Variants in OR2A14 observed in about 807,000 individuals in gnomAD.
OR2A14 encodes the protein olfactory receptor 2A14.
A neutral mutation model predicts 2.4 loss-of-function variants in OR2A14; 2 were observed. The ratio of observed to expected loss-of-function variants is 0.85; its 90% CI spans 0.35 to 2.67. The LOEUF is 2.67. Ranked by LOEUF, OR2A14 falls within the 30% of genes most tolerant of loss-of-function variation. OR2A14 has a pLI of 0.10. For synonymous variants in OR2A14, 160 were observed against 156.3 expected, an observed-to-expected ratio of 1.02 and a Z score of -0.18; for missense variants, 390 against 379.4, an observed-to-expected ratio of 1.03 and a Z score of -0.23.
rs1244022400 is a variant in OR2A14 at position 144,129,652 on chromosome 7, C to T, written c.540C>T (p.Ile180=). Residue 180 remains isoleucine (I), a synonymous_variant, in exon 2 of 2, where the codon ATC becomes ATT. Coordinates refer to ENST00000641068, the MANE Select transcript of OR2A14 (RefSeq NM_001001659.3). ...AAATCAACCACTTCTTCTGTGAAAT[C>T]CTGTCTGTCCTCAAGTTGGCCTGTG... ...PHEINHFFCE[I]LSVLKLACAD... 1.2e-6 allele frequency: 2 copies of T among 1,614,076 alleles called. No individual in the cohort carries two copies. Among genetic ancestry groups the T allele is most frequent in the East Asian group, 2.2e-5 (1 of 44,864 alleles).
At chr7:144,126,522 C>T (rs2051484050) in intron 1 of OR2A14, among the ~76,000 whole-genome samples, 1 of 152,140 alleles carries the variant, frequency 6.6e-6, no homozygotes, top group South Asian at 2.1e-4. Context: ...TTAGGTTCCA[C>T]TCACCTGTCT....
chr7:144,127,713 T>C (rs548456686), intron 1 of OR2A14, among the ~76,000 whole-genome samples: 1 of 152,338 alleles, frequency 6.6e-6, no homozygotes, highest in East Asian at 1.9e-4. Context: ...AGGATCTACG[T>C]ATTTACTAAA....
chr7:144,123,555 G>C (rs554436675), intron 1 of OR2A14, among the ~76,000 whole-genome samples: 1 of 152,256 alleles, frequency 6.6e-6, no homozygotes, highest in Admixed American at 6.5e-5. Flanking sequence ...CATAGAAGAG[G>C]ATCAGATAAC....
At chr7:144,126,699 C>A (rs190154265) in intron 1 of OR2A14, among the ~76,000 whole-genome samples, 1 of 152,236 alleles carries the variant, frequency 6.6e-6, no homozygotes, top group East Asian at 1.9e-4. Flanking sequence ...ATGAATCATG[C>A]CCTCTCTCTG....
intron 1 of OR2A14, among the ~76,000 whole-genome samples, chr7:144,124,238 A>T (rs1416884521): frequency 6.6e-6 from 1 of 152,144 alleles, no homozygotes; most frequent in Non-Finnish European, 1.5e-5. Flanking sequence ...CAAGGCAGGC[A>T]GATCACCTGA....
At chr7:144,126,641 G>T (rs1468859788) in intron 1 of OR2A14, among the ~76,000 whole-genome samples, 2 of 151,934 alleles carry the variant, frequency 1.3e-5, no homozygotes, top group African/African-American at 2.4e-5. Flanking sequence ...TTCTTTTCAT[G>T]GCCAGCAATT....
In OR2A14 at chr7:144,130,071, G is replaced by A; in HGVS notation, c.*26G>A. 1 of 1,580,882 alleles carries A rather than the reference G, an allele frequency of 6.3e-7. No individual in the cohort carries two copies. The highest frequency in any genetic ancestry group is 8.6e-7 in the Non-Finnish European group (1 of 1,160,492). Reference sequence around the variant, plus strand: ...GACATCTCAAAGGGAACCATGGGGAGGGAGCCTTGCTCCCTGCAAAATATA... The same window carrying A: ...GACATCTCAAAGGGAACCATGGGGAAGGAGCCTTGCTCCCTGCAAAATATA... On this transcript the variant is annotated 3_prime_UTR_variant, in exon 2 of 2. Transcript: ENST00000641068.
intron 1 of OR2A14, among the ~76,000 whole-genome samples, chr7:144,127,236 A>C (rs1844440363): frequency 6.6e-6 from 1 of 152,110 alleles, no homozygotes; most frequent in African/African-American, 2.4e-5. Context: ...GGGATATACA[A>C]AATACAAATA....
Position 144,130,006 on chromosome 7 carries a change from C to A in OR2A14, c.894C>A (p.Gly298=), listed in dbSNP as rs770614540. 5.0e-5 allele frequency: 81 copies of A among 1,613,636 alleles called. No homozygotes were observed. Among genetic ancestry groups the A allele is most frequent in the Non-Finnish European group, 6.5e-5 (77 of 1,179,730 alleles). Residue 298 remains glycine (G), a synonymous_variant, in exon 2 of 2, where the codon GGC becomes GGA. Coordinates refer to ENST00000641068, the MANE Select transcript of OR2A14 (RefSeq NM_001001659.3). Reference sequence around the variant, plus strand: ...GCCTAAGGAATGCAGAGGTCAAGGGCGCCCTGAGGAGGGCACTGAGGAAGG... The same window carrying A: ...GCCTAAGGAATGCAGAGGTCAAGGGAGCCCTGAGGAGGGCACTGAGGAAGG... ...IYSLRNAEVK[G]ALRRALRKER...
chr7:144,125,226 A>C (rs1036437694), intron 1 of OR2A14, among the ~76,000 whole-genome samples: 5 of 152,030 alleles, frequency 3.3e-5, no homozygotes, highest in Admixed American at 2.6e-4. Flanking sequence ...CAAGACTGTT[A>C]CTCCTGTTGC....
chr7:144,126,093 G>T (rs2051480736), intron 1 of OR2A14, among the ~76,000 whole-genome samples: 1 of 152,112 alleles, frequency 6.6e-6, no homozygotes, highest in Non-Finnish European at 1.5e-5. Context: ...CACAACATTT[G>T]CTGTGTCCAA....
At position 144,129,835 on chromosome 7, in the gene OR2A14, C is replaced by T; in HGVS notation, c.723C>T (p.Ser241=). 1 of 1,614,238 alleles carries T rather than the reference C, an allele frequency of 6.2e-7. No individual in the cohort carries two copies. Among genetic ancestry groups the T allele is most frequent in the East Asian group, 2.2e-5 (1 of 44,880 alleles). ...GCAGAAAGGCCTTCTCCACCTGCTC[C>T]TCCCACCTTTGCGTGGTGGGACTCT... ...EGRRKAFSTC[S]SHLCVVGLFF... Residue 241 remains serine, a synonymous_variant, in exon 2 of 2, where the codon TCC becomes TCT. Coordinates refer to ENST00000641068, the MANE Select transcript of OR2A14 (RefSeq NM_001001659.3).
At position 144,124,462 on chromosome 7, in the gene OR2A14, CAA is replaced by C. The variant is rs10664756; in HGVS notation, c.-35+1217_-35+1218del. Among the ~76,000 whole-genome samples, 174 of 84,884 alleles carry C rather than the reference CAA, an allele frequency of 2.0e-3. 2 individuals are homozygous for C. The highest frequency in any genetic ancestry group is 6.2e-3 in the African/African-American group (159 of 25,810). The allele number at this position is 84,884 out of a possible 152,430, so 55.7% of individuals were successfully genotyped here. A position where few individuals can be genotyped will look rare whatever the true frequency, so the allele number is the denominator to read the frequency against. On this transcript the variant is annotated intron_variant, in intron 1 of 1. Transcript: ENST00000641068. ...GGGCAACAAGAGCGAAACTCCGTCT[CAA>C]AAAAAAAAAAAAAAAAAACTAGGCT...
chr7:144,129,554 T>G lies in OR2A14; in HGVS notation c.442T>G (p.Trp148Gly). The G allele has an allele frequency of 6.2e-7, 1 of 1,614,196 alleles. No homozygotes were observed. The highest frequency in any genetic ancestry group is 1.1e-5 in the South Asian group (1 of 91,080). ...GTGCACTGTCCTGGCTGTGGCTTCC[T>G]GGGTGTTCAGCTTCCTCCTGGCTCT... ...RVCTVLAVASWVFSFLLALVP... is the reference protein window; with the variant it reads ...RVCTVLAVASGVFSFLLALVP... The change falls in exon 2 of 2, where the codon TGG becomes GGG. Residue 148 changes from tryptophan (W) to glycine (G), a missense_variant. Physicochemically the swap from Trp to Gly is radical, Grantham distance 184 (BLOSUM62 -2). Transcript: ENST00000641068.
In OR2A14 at chr7:144,129,555, G is replaced by A. The variant is rs186823699; in HGVS notation, c.443G>A (p.Trp148Ter). Reference sequence around the variant, plus strand: ...TGCACTGTCCTGGCTGTGGCTTCCTGGGTGTTCAGCTTCCTCCTGGCTCTG... The same window carrying A: ...TGCACTGTCCTGGCTGTGGCTTCCTAGGTGTTCAGCTTCCTCCTGGCTCTG... ...RVCTVLAVAS[W>*]VFSFLLALVP... is the part of the protein sequence containing the mutation. Residue 148 changes from tryptophan to a stop codon, truncating the protein, a stop_gained, in exon 2 of 2, where the codon TGG becomes TAG. Coordinates refer to ENST00000641068, the MANE Select transcript of OR2A14 (RefSeq NM_001001659.3). LOFTEE classifies it low-confidence loss of function (END_TRUNC). 3.1e-6 allele frequency: 5 copies of A among 1,614,138 alleles called. No homozygotes were observed. In the African/African-American group the frequency reaches 4.0e-5, roughly 13 times the overall value.
In OR2A14 at chr7:144,129,774, T is replaced by C. The variant is rs200008580; in HGVS notation, c.662T>C (p.Leu221Pro). 165 of 1,613,946 alleles carry C rather than the reference T, an allele frequency of 1.0e-4. No individual in the cohort carries two copies. In the African/African-American group the frequency reaches 2.1e-3, roughly 20 times the overall value. Residue 221 changes from leucine to proline, a missense_variant, in exon 2 of 2, where the codon CTG becomes CCG. Transcript: ENST00000641068. ...GTGCTGGTCTCCTACTTGCGCATCCTGGCCGCCATCTTGAGGATCCAGTCT... is the reference window on the plus strand; with the variant it reads ...GTGCTGGTCTCCTACTTGCGCATCCCGGCCGCCATCTTGAGGATCCAGTCT... ...CLVLVSYLRI[L>P]AAILRIQSGE...
chr7:144,130,016 A>T lies in OR2A14; in HGVS notation c.904A>T (p.Arg302Trp). 6.2e-7 allele frequency: 1 copy of T among 1,613,058 alleles called. No homozygotes were observed. The highest frequency in any genetic ancestry group is 1.1e-5 in the South Asian group (1 of 91,046). Reference sequence around the variant, plus strand: ...TGCAGAGGTCAAGGGCGCCCTGAGGAGGGCACTGAGGAAGGAGAGGCTGAC... The same window carrying T: ...TGCAGAGGTCAAGGGCGCCCTGAGGTGGGCACTGAGGAAGGAGAGGCTGAC... ...RNAEVKGALR[R>W]ALRKERLT The change falls in exon 2 of 2, where the codon AGG becomes TGG. Residue 302 changes from arginine to tryptophan, a missense_variant. By Grantham distance (101) the Arg-to-Trp change is moderately radical. Coordinates refer to ENST00000641068, the MANE Select transcript of OR2A14 (RefSeq NM_001001659.3).
In OR2A14 at chr7:144,124,200, C is replaced by T. The variant is rs138244656; in HGVS notation, c.-35+936C>T. ...GGCTGCGGCCGGGTGCAGTGGCTCA[C>T]GCCTGTAATCCCAACACTTTGGGAG... On this transcript the variant is annotated intron_variant, in intron 1 of 1. Coordinates refer to ENST00000641068, the MANE Select transcript of OR2A14 (RefSeq NM_001001659.3). 3.3e-3 allele frequency among the ~76,000 whole-genome samples: 500 copies of T among 152,206 alleles called. 4 individuals carry two copies. Among genetic ancestry groups the T allele is most frequent in the African/African-American group, 0.012 (480 of 41,536 alleles).
chr7:144,130,969 C>T lies in OR2A14; in HGVS notation c.*924C>T, dbSNP rs531709134. ...GTGCCCAGGGACAGTAGTTTGTGAA[C>T]CCTTGTTCTAGATCTTAAAACTAGC... On this transcript the variant is annotated 3_prime_UTR_variant, in exon 2 of 2. Coordinates refer to ENST00000641068, the MANE Select transcript of OR2A14 (RefSeq NM_001001659.3). 1 of 152,298 alleles carries T rather than the reference C, an allele frequency of 6.6e-6. No individual in the cohort carries two copies. The highest frequency in any genetic ancestry group is 1.9e-4 in the East Asian group (1 of 5,192). 9.4% of individuals were successfully genotyped at this position (152,298 alleles called of 1,614,324 possible). A position where few individuals can be genotyped will look rare whatever the true frequency, so the allele number is the denominator to read the frequency against.
Sources: allele counts gnomAD v4.1 joint callset (sites outside exome capture counted in the v4.1 genomes callset), GRCh38; gene constraint gnomAD v4.1.1; transcripts MANE v1.5; gene names NCBI Gene and HGNC (gene_info 2026-07-23, HGNC 2026-07-21).